YWHAQ: variants seen among roughly 807,000 people sequenced by gnomAD.
YWHAQ encodes the protein tyrosine 3-monooxygenase/tryptophan 5-monooxygenase activation protein theta.
In YWHAQ, 6 loss-of-function variants were observed where a neutral mutation model predicts 28.3. That is an observed-to-expected ratio of 0.21 (90% CI 0.12 to 0.42). The LOEUF is 0.42. Among genes scored for constraint, YWHAQ ranks in the 10% least tolerant of loss-of-function variants. The pLI is 1.00. For synonymous variants in YWHAQ, 143 were observed against 119.1 expected (o/e 1.20, Z -1.31); for missense variants, 201 against 305.6 (o/e 0.66, Z 2.55).
intron 2 of YWHAQ, among the ~76,000 whole-genome samples, chr2:9,623,026 A>G (rs1667171346): frequency 6.6e-6 from 1 of 152,244 alleles, no homozygotes; most frequent in Admixed American, 6.5e-5. Flanking sequence ...AGAGAACATT[A>G]CCATAGCCAA....
intron 2 of YWHAQ, among the ~76,000 whole-genome samples, chr2:9,626,523 G>C (rs1667249644): frequency 6.6e-6 from 1 of 152,230 alleles, no homozygotes; most frequent in African/African-American, 2.4e-5. Flanking sequence ...TCGCCTCCCA[G>C]ATTCAGGTGA....
At chr2:9,586,086 T>C (rs1251571328) in intron 5 of YWHAQ, among the ~76,000 whole-genome samples, 1 of 152,168 alleles carries the variant, frequency 6.6e-6, no homozygotes, top group African/African-American at 2.4e-5. Flanking sequence ...GCCACAATCA[T>C]GGTTAACAAT....
At chr2:9,587,070 GTAGA>G (rs770460283) in intron 5 of YWHAQ, among the ~76,000 whole-genome samples, 33 of 152,138 alleles carry the variant, frequency 2.2e-4, no homozygotes, top group Non-Finnish European at 4.0e-4. Context: ...TTAAGAAAGC[GTAGA>G]TATTTAGATA....
Position 9,588,137 on chromosome 2 carries a change from G to A in YWHAQ, c.582+28C>T, listed in dbSNP as rs373146755. 4 of 1,507,874 alleles carry A rather than the reference G, an allele frequency of 2.7e-6. No homozygotes were observed. The African/African-American group carries it at 5.8e-5, about 22-fold the overall frequency. The allele number at this position is 1,507,874 out of a possible 1,614,324, so 93.4% of individuals were successfully genotyped here. A position where few individuals can be genotyped will look rare whatever the true frequency, so the allele number is the denominator to read the frequency against. On this transcript the variant is annotated intron_variant, in intron 4 of 5. Transcript: ENST00000238081. ...GGTATCTCAAATAACTGTAGCTAAA[G>A]TACGTATTTCCTGGACACACATCTT...
chr2:9,593,231 C>G (rs189488865), intron 2 of YWHAQ, among the ~76,000 whole-genome samples: 59 of 139,134 alleles, frequency 4.2e-4, no homozygotes, highest in African/African-American at 1.6e-3. Context: ...TCACTGCATC[C>G]ATGTCTTTTT....
Position 9,630,294 on chromosome 2 carries a change from C to A in YWHAQ, c.159G>T (p.Gly53=). ...TGACCCTCCAGGCGGACCTGCGGCCCCCGACCACGTTCTTGTAGGCCACGG... is the reference window on the plus strand; with the variant it reads ...TGACCCTCCAGGCGGACCTGCGGCCACCGACCACGTTCTTGTAGGCCACGG... The part of the protein sequence containing the change: ...LLSVAYKNVV[G]GRRSAWRVIS... Residue 53 remains glycine, a synonymous_variant, in exon 2 of 6, where the codon GGG becomes GGT. Coordinates refer to ENST00000238081, the MANE Select transcript of YWHAQ (RefSeq NM_006826.4). This position sits in a 1 kb window ranked among gnomAD's most constrained non-coding sequence, Gnocchi z 5.6. The A allele has an allele frequency of 6.2e-7, 1 of 1,614,196 alleles. No individual in the cohort carries two copies. The highest frequency in any genetic ancestry group is 8.5e-7 in the Non-Finnish European group (1 of 1,180,052).
rs568125543 is a variant in YWHAQ, at chr2:9,584,382, A to C, written c.*904T>G. 1 of 152,776 alleles carries C rather than the reference A, an allele frequency of 6.5e-6. No individual in the cohort carries two copies. Among genetic ancestry groups the C allele is most frequent in the East Asian group, 1.9e-4 (1 of 5,192 alleles). 9.5% of individuals were successfully genotyped at this position (152,776 alleles called of 1,614,324 possible). A position where few individuals can be genotyped will look rare whatever the true frequency, so the allele number is the denominator to read the frequency against. Reference sequence around the variant, plus strand: ...GATTAGCAACACACAATAGTGGTCCAACTCTCTAAATAACAATCACTAGAC... The same window carrying C: ...GATTAGCAACACACAATAGTGGTCCCACTCTCTAAATAACAATCACTAGAC... On this transcript the variant is annotated 3_prime_UTR_variant, in exon 6 of 6. Transcript: ENST00000238081.
chr2:9,609,835 G>C (rs1358652814), intron 2 of YWHAQ, among the ~76,000 whole-genome samples: 1 of 152,180 alleles, frequency 6.6e-6, no homozygotes, highest in African/African-American at 2.4e-5. Context: ...TTTCCAGAAA[G>C]ACAGAAGTTC....
At chr2:9,603,346 T>C (rs945748804) in intron 2 of YWHAQ, among the ~76,000 whole-genome samples, 1 of 151,080 alleles carries the variant, frequency 6.6e-6, no homozygotes, top group Admixed American at 6.6e-5. Context: ...CTCAGCTCAC[T>C]GCAACCCCAA....
chr2:9,626,947 C>T (rs1277219332), intron 2 of YWHAQ, among the ~76,000 whole-genome samples: 3 of 152,180 alleles, frequency 2.0e-5, no homozygotes, highest in South Asian at 4.1e-4. Context: ...TACTCTACAG[C>T]CCCAAACCAT....
chr2:9,604,630 A>C (rs1290901367), intron 2 of YWHAQ, among the ~76,000 whole-genome samples: 3 of 152,162 alleles, frequency 2.0e-5, no homozygotes, highest in African/African-American at 7.2e-5. Flanking sequence ...TCACAAACAC[A>C]GTATTAAGGA....
chr2:9,587,539 A>G (rs1666369304), intron 4 of YWHAQ, 30 bp from the exon 5 acceptor site: 1 of 1,557,164 alleles, frequency 6.4e-7, no homozygotes. Context: ...ATGGTAAAAT[A>G]TGTGCATTGA....
intron 2 of YWHAQ, among the ~76,000 whole-genome samples, chr2:9,608,719 T>A (rs1301850229): frequency 1.3e-5 from 2 of 152,008 alleles, no homozygotes; most frequent in South Asian, 2.1e-4. Context: ...GAGGCCGAGG[T>A]GGGTGGATCA....
intron 2 of YWHAQ, chr2:9,620,843 T>C (rs1302701595): frequency 2.0e-5 from 3 of 152,174 alleles, no homozygotes; most frequent in Admixed American, 6.5e-5. Flanking sequence ...CCACATATGA[T>C]GACTACTCAG....
chr2:9,599,192 T>G (rs377607753), intron 2 of YWHAQ, among the ~76,000 whole-genome samples: 2 of 152,134 alleles, frequency 1.3e-5, no homozygotes, highest in Non-Finnish European at 1.5e-5. Flanking sequence ...CTGAGAGAAG[T>G]AAGGAAGCTG....
intron 5 of YWHAQ, among the ~76,000 whole-genome samples, 174 bp downstream of exon 5, chr2:9,587,239 TG>T (rs1475111916): frequency 6.6e-6 from 1 of 152,194 alleles, no homozygotes; most frequent in Non-Finnish European, 1.5e-5. Context: ...TCTGATAAAA[TG>T]CCTATTCAAC....
chr2:9,625,241 G>A (rs1000750752), intron 2 of YWHAQ, among the ~76,000 whole-genome samples: 48 of 150,590 alleles, frequency 3.2e-4, no homozygotes. Context: ...CAGCCTGGGT[G>A]GCAGAGCAAG....
At chr2:9,594,108 C>T (rs1275339585) in intron 2 of YWHAQ, among the ~76,000 whole-genome samples, 1 of 151,796 alleles carries the variant, frequency 6.6e-6, no homozygotes, top group Non-Finnish European at 1.5e-5. Context: ...AGTTGCTGAG[C>T]CAGGAGTGTG....
At chr2:9,596,905 A>G (rs1666582929) in intron 2 of YWHAQ, among the ~76,000 whole-genome samples, 1 of 152,222 alleles carries the variant, frequency 6.6e-6, no homozygotes, top group Non-Finnish European at 1.5e-5. Flanking sequence ...TCAGTCTCCC[A>G]AAGTGCTAGG....
Sources: gnomAD v4.1 joint callset for allele counts (sites outside exome capture counted in the v4.1 genomes callset) on GRCh38, gnomAD v4.1.1 for gene constraint, Gnocchi (gnomAD v3.1) non-coding constraint, MANE v1.5 for transcripts, NCBI Gene and HGNC (gene_info 2026-07-23, HGNC 2026-07-21) for gene names.